The following SLC27A4 variants were observed in gnomAD, a reference collection of about 807,000 sequenced individuals.
SLC27A4 encodes the protein long-chain fatty acid transport protein 4.
SLC27A4 carries 33 observed loss-of-function variants against 64.4 expected under a neutral mutation model. The ratio of observed to expected loss-of-function variants is 0.51; its 90% CI spans 0.39 to 0.68. SLC27A4 has a LOEUF of 0.68. Among genes scored for constraint, SLC27A4 ranks in the 30% least tolerant of loss-of-function variants. The pLI, the probability that SLC27A4 is intolerant of heterozygous loss-of-function variation, is 0.00. For missense variants in SLC27A4, 824 were observed against 883.5 expected, an observed-to-expected ratio of 0.93 and a Z score of 0.85; for synonymous variants, 377 against 370.0, an observed-to-expected ratio of 1.02 and a Z score of -0.22.
At chr9:128,344,485 C>T (rs1309097103) in intron 2 of SLC27A4, among the ~76,000 whole-genome samples, 1 of 151,802 alleles carries the variant, frequency 6.6e-6, no homozygotes, top group African/African-American at 2.4e-5. Context: ...CATCACTGCA[C>T]TCCAACCTGG....
intron 12 of SLC27A4, among the ~76,000 whole-genome samples, chr9:128,356,041 GT>G (rs61299753): frequency 0.26 from 39,887 of 152,120 alleles, 9,348 homozygotes; most frequent in African/African-American, 0.64. Flanking sequence ...AGCTCTGGAT[GT>G]TTTGCCTTCT....
At position 128,345,920 on chromosome 9, in the gene SLC27A4, A is replaced by T. The variant is rs1832650188; in HGVS notation, c.556+371A>T. Among the ~76,000 whole-genome samples, 1 of 152,154 alleles carries T rather than the reference A, an allele frequency of 6.6e-6. No individual in the cohort carries two copies. Among genetic ancestry groups the T allele is most frequent in the Non-Finnish European group, 1.5e-5 (1 of 68,020 alleles). On this transcript the variant is annotated intron_variant, in intron 3 of 12. Coordinates refer to ENST00000300456, the MANE Select transcript of SLC27A4 (RefSeq NM_005094.4). The surrounding 1 kb of genome is among the most constrained non-coding windows in gnomAD (Gnocchi z 4.1). ...CTGTCTCTACTAAGAAATTTTTTTG[A>T]GACAGGGTCTTGCCCTGTCACCCAG...
intron 3 of SLC27A4, among the ~76,000 whole-genome samples, chr9:128,347,443 G>A (rs1400991834): frequency 6.6e-6 from 1 of 152,094 alleles, no homozygotes; most frequent in African/African-American, 2.4e-5. Flanking sequence ...ATGCTGAAAG[G>A]GGGCCTGGCA....
In SLC27A4 at chr9:128,360,503, C is replaced by A; in HGVS notation, c.*12C>A. On this transcript the variant is annotated 3_prime_UTR_variant, in exon 13 of 13. Coordinates refer to ENST00000300456, the MANE Select transcript of SLC27A4 (RefSeq NM_005094.4). ...AGGAGAAGCTGTGATTCCCCCCATC[C>A]CTCTGAGGGCCGGCGGATGCTGGAT... 1 of 1,613,228 alleles carries A rather than the reference C, an allele frequency of 6.2e-7. No individual in the cohort carries two copies. Among genetic ancestry groups the A allele is most frequent in the Non-Finnish European group, 8.5e-7 (1 of 1,179,910 alleles).
intron 9 of SLC27A4, 117 bp from the exon 10 acceptor site, chr9:128,354,934 CAA>C: frequency 1.8e-6 from 2 of 1,121,260 alleles, no homozygotes; most frequent in South Asian, 1.6e-5. Flanking sequence ...GCCTGGGCAA[CAA>C]GAGCAAAACT....
chr9:128,341,241 C>G (rs1439389358), intron 1 of SLC27A4, among the ~76,000 whole-genome samples: 1 of 152,174 alleles, frequency 6.6e-6, no homozygotes, highest in Non-Finnish European at 1.5e-5. Context: ...CCAGACCATT[C>G]CCTTTTCCTG....
Position 128,348,699 on chromosome 9 carries a change from C to G in SLC27A4, c.711C>G (p.Phe237Leu). 1 of 1,613,940 alleles carries G rather than the reference C, an allele frequency of 6.2e-7. No homozygotes were observed. The highest frequency in any genetic ancestry group is 8.5e-7 in the Non-Finnish European group (1 of 1,180,028). ...TTCCCAGTTGCCCTGACAAGGGCTTCACAGGTGGGCTCCATCCCCTCCCCA... is the reference window on the plus strand; with the variant it reads ...TTCCCAGTTGCCCTGACAAGGGCTTGACAGGTGGGCTCCATCCCCTCCCCA... The part of the protein sequence containing the change: ...KHLPSCPDKG[F>L]TDKLFYIYTS... Residue 237 changes from phenylalanine (F) to leucine (L), a missense_variant, in exon 4 of 13, where the codon TTC becomes TTG. Physicochemically the swap from Phe to Leu is conservative, Grantham distance 22. Coordinates refer to ENST00000300456, the MANE Select transcript of SLC27A4 (RefSeq NM_005094.4).
At chr9:128,343,424 G>T in intron 2 of SLC27A4, 131 bp downstream of exon 2, 2 of 1,051,260 alleles carry the variant, frequency 1.9e-6, no homozygotes, top group South Asian at 2.6e-5. Flanking sequence ...CAGAACAGCA[G>T]CCTCTGCTCC....
chr9:128,355,531 T>G lies in SLC27A4; in HGVS notation c.1596T>G (p.Ala532=), dbSNP rs1832805888. 6.2e-7 allele frequency: 1 copy of G among 1,612,528 alleles called. No individual in the cohort carries two copies. The highest frequency in any genetic ancestry group is 8.5e-7 in the Non-Finnish European group (1 of 1,180,016). ...EGTLSRLLDM[A]DVAVYGVEVP... is the part of the protein sequence containing the mutation. ...CACTCAGCCGCCTGCTGGACATGGCTGACGTGGCCGTGTATGGTGTCGAGG... is the reference window on the plus strand; with the variant it reads ...CACTCAGCCGCCTGCTGGACATGGCGGACGTGGCCGTGTATGGTGTCGAGG... The change falls in exon 11 of 13, where the codon GCT becomes GCG. Residue 532 remains alanine (A), a synonymous_variant. Transcript: ENST00000300456.
intron 6 of SLC27A4, 29 bp downstream of exon 6, chr9:128,350,604 A>G (rs370707795): frequency 8.5e-6 from 13 of 1,535,884 alleles, no homozygotes; most frequent in Non-Finnish European, 1.2e-5. Context: ...CACAGCCTCC[A>G]GCACCTGCCA....
Position 128,348,656 on chromosome 9 carries a change from A to C in SLC27A4, c.668A>C (p.Lys223Thr). ...PSTEHLDPLLKDAPKHLPSCP... is the reference protein window; with the variant it reads ...PSTEHLDPLLTDAPKHLPSCP... ...ACAGAACACCTGGACCCTCTGCTGA[A>C]AGATGCTCCCAAGCACCTTCCCAGT... Residue 223 changes from lysine (K) to threonine (T), a missense_variant, in exon 4 of 13, where the codon AAA becomes ACA. Coordinates refer to ENST00000300456, the MANE Select transcript of SLC27A4 (RefSeq NM_005094.4). 1 of 1,614,064 alleles carries C rather than the reference A, an allele frequency of 6.2e-7. No individual in the cohort carries two copies. The highest frequency in any genetic ancestry group is 8.5e-7 in the Non-Finnish European group (1 of 1,180,026).
intron 1 of SLC27A4, chr9:128,342,813 A>G (rs999211756): frequency 2.5e-5 from 12 of 486,908 alleles, no homozygotes; most frequent in Non-Finnish European, 3.8e-5. Context: ...GAGGGCAGAT[A>G]CTAAGGTCTA....
rs2131253239 is a variant in SLC27A4, at chr9:128,345,215, G to A, written c.222G>A (p.Arg74=). The change falls in exon 3 of 13, where the codon CGG becomes CGA. Residue 74 remains arginine, a synonymous_variant. Coordinates refer to ENST00000300456, the MANE Select transcript of SLC27A4 (RefSeq NM_005094.4). This position sits in a 1 kb window ranked among gnomAD's most constrained non-coding sequence, Gnocchi z 4.1. ...AKVRQCLQER[R]TVPILFASTV... ...TGCGACAGTGCCTGCAGGAGCGGCG[G>A]ACAGTGCCCATTTTGTTTGCCTCTA... The A allele has an allele frequency of 6.2e-7, 1 of 1,613,728 alleles. No individual in the cohort carries two copies. The highest frequency in any genetic ancestry group is 8.5e-7 in the Non-Finnish European group (1 of 1,180,020).
rs1832880035 is a variant in SLC27A4 at position 128,360,345 on chromosome 9, T to A, written c.1786T>A (p.Phe596Ile). 7 of 1,613,956 alleles carry A rather than the reference T, an allele frequency of 4.3e-6. No homozygotes were observed. Among genetic ancestry groups the A allele is most frequent in the Non-Finnish European group, 5.9e-6 (7 of 1,180,032 alleles). ...PELHKTGTYK[F>I]QKTELRKEGF... Reference sequence around the variant, plus strand: ...CCCTGCTCTCCCAGGAACCTACAAGTTCCAGAAGACAGAGCTACGGAAGGA... The same window carrying A: ...CCCTGCTCTCCCAGGAACCTACAAGATCCAGAAGACAGAGCTACGGAAGGA... The change falls in exon 13 of 13, where the codon TTC (phenylalanine) becomes ATC (isoleucine). Residue 596 changes from phenylalanine to isoleucine, a missense_variant. Physicochemically the swap from Phe to Ile is conservative, Grantham distance 21 (BLOSUM62 0). Transcript: ENST00000300456.
rs937283121 is a variant in SLC27A4, at chr9:128,340,783, G to A, written c.-62G>A. 8 of 688,778 alleles carry A rather than the reference G, an allele frequency of 1.2e-5. No individual in the cohort carries two copies. Among genetic ancestry groups the A allele is most frequent in the Non-Finnish European group, 2.1e-5 (8 of 373,092 alleles). 42.7% of individuals were successfully genotyped at this position (688,778 alleles called of 1,614,324 possible). ...GGCTAATGCCCCTCACGCTGTCTAC[G>A]CTGCTGCAACCGGGCCGCATCTGGA... On this transcript the variant is annotated 5_prime_UTR_variant, in exon 1 of 13. Coordinates refer to ENST00000300456, the MANE Select transcript of SLC27A4 (RefSeq NM_005094.4).
Position 128,345,191 on chromosome 9 carries a change from G to T in SLC27A4, c.198G>T (p.Val66=). The T allele has an allele frequency of 1.2e-6, 2 of 1,613,538 alleles. No homozygotes were observed. The change falls in exon 3 of 13, where the codon GTG becomes GTT. Residue 66 remains valine (V), a synonymous_variant. Coordinates refer to ENST00000300456, the MANE Select transcript of SLC27A4 (RefSeq NM_005094.4). The surrounding 1 kb of genome is among the most constrained non-coding windows in gnomAD (Gnocchi z 4.1). The stretch of plus-strand genomic sequence containing the variant: ...TCCTCCTGAAGGTGAAGGCAAAGGT[G>T]CGACAGTGCCTGCAGGAGCGGCGGA... The part of the protein sequence containing the change: ...GLVLLKVKAK[V]RQCLQERRTV...
chr9:128,352,676 A>G lies in SLC27A4; in HGVS notation c.916A>G (p.Met306Val). 6.2e-7 allele frequency: 1 copy of G among 1,614,194 alleles called. No homozygotes were observed. The highest frequency in any genetic ancestry group is 8.5e-7 in the Non-Finnish European group (1 of 1,180,022). ...VGIGQCLLHG[M>V]TVVIRKKFSA... ...AATCGGCCAGTGCCTGCTGCATGGC[A>G]TGACGGTGGTGATTCGGAAGAAGTT... Residue 306 changes from methionine (M) to valine (V), a missense_variant, in exon 7 of 13, where the codon ATG becomes GTG. Physicochemically the swap from Met to Val is conservative, Grantham distance 21 (BLOSUM62 1). Transcript: ENST00000300456.
At position 128,345,595 on chromosome 9, in the gene SLC27A4, T is replaced by C. The variant is rs1564399330; in HGVS notation, c.556+46T>C. On this transcript the variant is annotated intron_variant, in intron 3 of 12. Coordinates refer to ENST00000300456, the MANE Select transcript of SLC27A4 (RefSeq NM_005094.4). This position sits in a 1 kb window ranked among gnomAD's most constrained non-coding sequence, Gnocchi z 4.1. ...GGACAAGCAGGAACCCCATGGGATC[T>C]TACACAGACCACAGCTCCCTTCCAG... is the stretch of plus-strand genomic sequence containing the variant. The C allele has an allele frequency of 7.1e-6, 11 of 1,549,272 alleles. No individual in the cohort carries two copies. The highest frequency in any genetic ancestry group is 6.9e-6 in the Non-Finnish European group (8 of 1,153,696).
intron 4 of SLC27A4, 103 bp from the exon 5 acceptor site, chr9:128,350,209 G>T (rs1832712107): frequency 1.1e-6 from 1 of 879,938 alleles, no homozygotes; most frequent in South Asian, 1.4e-5. Flanking sequence ...AGGGTGTGAT[G>T]GGAACAGGTG....
Sources: gnomAD v4.1 joint callset for allele counts (sites outside exome capture counted in the v4.1 genomes callset) on GRCh38, gnomAD v4.1.1 for gene constraint, Gnocchi (gnomAD v3.1) non-coding constraint, MANE v1.5 for transcripts, NCBI Gene and HGNC (gene_info 2026-07-23, HGNC 2026-07-21) for gene names.